Variants in ZBTB8OS observed in about 807,000 individuals in gnomAD.
ZBTB8OS encodes tRNA splicing ligase complex subunit 1.
A neutral mutation model predicts 29.3 loss-of-function variants in ZBTB8OS; 16 were observed. The observed-to-expected ratio is 0.55, with a 90% confidence interval of 0.37 to 0.83. ZBTB8OS has a LOEUF of 0.83. Ranked by LOEUF, ZBTB8OS falls within the 40% of genes least tolerant of loss-of-function variation. The pLI is 0.00. For missense variants in ZBTB8OS, 160 were observed against 196.9 expected (o/e 0.81, Z 1.12); for synonymous variants, 70 against 64.6 (o/e 1.08, Z -0.40).
chr1:32,650,849 A>T (rs943752434), upstream of ZBTB8OS: 4 of 498,184 alleles, frequency 8.0e-6, no homozygotes, highest in Non-Finnish European at 1.4e-5. Context: ...CCCAAAATTG[A>T]TAACTAGACC....
chr1:32,638,829 G>A (rs569348098), intron 1 of ZBTB8OS, among the ~76,000 whole-genome samples: 5 of 151,992 alleles, frequency 3.3e-5, no homozygotes, highest in Admixed American at 6.6e-5. Flanking sequence ...CATGAAAATC[G>A]CTTGAACCCA....
chr1:32,627,447 T>C (rs371219885), intron 6 of ZBTB8OS, 61 bp downstream of exon 6: 5 of 1,461,198 alleles, frequency 3.4e-6, no homozygotes, highest in African/African-American at 2.8e-5. Flanking sequence ...GATTGTCACA[T>C]ATATGAACTT....
rs2148325216 is a variant in ZBTB8OS at position 32,627,633 on chromosome 1, A to G, written c.381-89T>C. On this transcript the variant is annotated intron_variant, in intron 5 of 6. Coordinates refer to ENST00000468695, the MANE Select transcript of ZBTB8OS (RefSeq NM_178547.5). ...CTTGTAAATGTGGTTAACATGCTAG[A>G]AAGCCAAAAGAGACAGGAGGGGGTC... The G allele has an allele frequency of 2.3e-6, 3 of 1,281,796 alleles. No individual in the cohort carries two copies. In the Middle Eastern group the frequency reaches 6.0e-4, roughly 257 times the overall value. 79.4% of individuals were successfully genotyped at this position (1,281,796 alleles called of 1,614,324 possible).
At chr1:32,630,714 TA>T (rs1169535948) in intron 5 of ZBTB8OS, among the ~76,000 whole-genome samples, 2 of 151,672 alleles carry the variant, frequency 1.3e-5, no homozygotes, top group Non-Finnish European at 2.9e-5. Flanking sequence ...AACCCATTTC[TA>T]AAAAAATAAA....
chr1:32,621,766 CA>C lies in ZBTB8OS; in HGVS notation c.*95del, dbSNP rs897106996. ...TTCTGTTCTACAAATTTCCATATAT[CA>C]AAAAAAAGCTGTAGAATTTAATTCA... On this transcript the variant is annotated 3_prime_UTR_variant, in exon 7 of 7. Transcript: ENST00000468695. 2.1e-4 allele frequency: 186 copies of C among 874,126 alleles called. No individual in the cohort carries two copies. Among genetic ancestry groups the C allele is most frequent in the Admixed American group, 3.2e-4 (11 of 34,874 alleles). The allele number at this position is 874,126 out of a possible 1,614,324, so 54.1% of individuals were successfully genotyped here.
intron 1 of ZBTB8OS, chr1:32,639,916 A>G (rs1014433545): frequency 1.7e-4 from 26 of 152,196 alleles, no homozygotes; most frequent in Non-Finnish European, 3.5e-4. Context: ...AAAATACAGG[A>G]GCATTTTAAT....
In ZBTB8OS at chr1:32,629,329, T is replaced by C. The variant is rs554877680; in HGVS notation, c.381-1785A>G. Among the ~76,000 whole-genome samples, 15 of 151,770 alleles carry C rather than the reference T, an allele frequency of 9.9e-5. No individual in the cohort carries two copies. The East Asian group carries it at 2.7e-3, about 27-fold the overall frequency. On this transcript the variant is annotated intron_variant, in intron 5 of 6. Transcript: ENST00000468695. ...TAGGTGGGAGGTTGAGGTAGGAGGATTGCTTGAGCCCAAAAGGTCATGGCT... is the reference window on the plus strand; with the variant it reads ...TAGGTGGGAGGTTGAGGTAGGAGGACTGCTTGAGCCCAAAAGGTCATGGCT...
intron 1 of ZBTB8OS, 85 bp from the exon 2 acceptor site, chr1:32,634,877 T>G: frequency 1.1e-6 from 1 of 936,416 alleles, no homozygotes. Context: ...TCCATTATTA[T>G]TAGGAATATC....
intron 4 of ZBTB8OS, 162 bp downstream of exon 4, chr1:32,633,483 A>T (rs1380766585): frequency 1.8e-6 from 1 of 556,704 alleles, no homozygotes; most frequent in African/African-American, 2.0e-5. Flanking sequence ...AATGCAGGTT[A>T]ACCAGGAAGT....
At chr1:32,646,672 T>C (rs1437021374) in intron 1 of ZBTB8OS, among the ~76,000 whole-genome samples, 1 of 151,094 alleles carries the variant, frequency 6.6e-6, no homozygotes, top group Non-Finnish European at 1.5e-5. Context: ...AAAAAAAAAT[T>C]AGGAAAATTA....
intron 1 of ZBTB8OS, among the ~76,000 whole-genome samples, chr1:32,649,633 AACAC>A (rs962422171): frequency 2.2e-4 from 12 of 54,118 alleles, no homozygotes; most frequent in South Asian, 8.0e-4. Flanking sequence ...CATCTCTAAA[AACAC>A]ACACACACAC....
intron 1 of ZBTB8OS, among the ~76,000 whole-genome samples, chr1:32,638,500 T>C (rs1355082343): frequency 4.6e-5 from 7 of 152,134 alleles, no homozygotes; most frequent in Non-Finnish European, 1.5e-5. Flanking sequence ...CAGAATTCTT[T>C]ATTCTCCTAA....
chr1:32,643,812 CTT>C (rs58965191), intron 1 of ZBTB8OS, among the ~76,000 whole-genome samples: 1 of 148,604 alleles, frequency 6.7e-6, no homozygotes, highest in African/African-American at 2.5e-5. Context: ...ATTTTTTTTA[CTT>C]TTTTTTTTCT....
At position 32,631,766 on chromosome 1, in the gene ZBTB8OS, T is replaced by C. The variant is rs1645574599; in HGVS notation, c.380+61A>G. Reference sequence around the variant, plus strand: ...TTTATGTTTCCATCTGTTTCCTTGCTCATTGAATTCAATGAAGAATATAAC... The same window carrying C: ...TTTATGTTTCCATCTGTTTCCTTGCCCATTGAATTCAATGAAGAATATAAC... On this transcript the variant is annotated intron_variant, in intron 5 of 6. Transcript: ENST00000468695. 3 of 1,258,546 alleles carry C rather than the reference T, an allele frequency of 2.4e-6. No individual in the cohort carries two copies. In the South Asian group the frequency reaches 4.0e-5, roughly 17 times the overall value. The allele number at this position is 1,258,546 out of a possible 1,614,324, so 78.0% of individuals were successfully genotyped here.
In ZBTB8OS at chr1:32,634,779, T is replaced by C. The variant is rs1466228027; in HGVS notation, c.111A>G (p.Thr37=). ...CCCGCTATACTCACTGGACATCTGC[T>C]GTATGATCCAAATCTGAGGGACAGA... The part of the protein sequence containing the change: ...VNRKYEYLDH[T]ADVQLHAWGD... Residue 37 remains threonine (T), a synonymous_variant, in exon 2 of 7, where the codon ACA becomes ACG. Transcript: ENST00000468695. 3.7e-6 allele frequency: 6 copies of C among 1,613,368 alleles called. No homozygotes were observed. The highest frequency in any genetic ancestry group is 5.1e-6 in the Non-Finnish European group (6 of 1,179,434).
At chr1:32,644,425 T>C (rs1646674902) in intron 1 of ZBTB8OS, among the ~76,000 whole-genome samples, 1 of 151,576 alleles carries the variant, frequency 6.6e-6, no homozygotes, top group African/African-American at 2.4e-5. Context: ...AAAGGGAGAG[T>C]CTAAAAACAG....
At position 32,636,457 on chromosome 1, in the gene ZBTB8OS, G is replaced by A. The variant is rs188719589; in HGVS notation, c.98-1665C>T. ...TGTAATCCCAGCACTTCGGGAGGCC[G>A]AGGCAGGTGGATCACAAGGTCAGGA... On this transcript the variant is annotated intron_variant, in intron 1 of 6. Coordinates refer to ENST00000468695, the MANE Select transcript of ZBTB8OS (RefSeq NM_178547.5). Among the ~76,000 whole-genome samples, 346 of 152,248 alleles carry A rather than the reference G, an allele frequency of 2.3e-3. 2 individuals carry two copies. The highest frequency in any genetic ancestry group is 7.9e-3 in the African/African-American group (328 of 41,542).
chr1:32,626,017 C>T (rs747091424), intron 6 of ZBTB8OS, among the ~76,000 whole-genome samples: 9 of 151,908 alleles, frequency 5.9e-5, no homozygotes, highest in Admixed American at 2.0e-4. Context: ...GGATTACAAG[C>T]GCCCGCCACC....
In ZBTB8OS at chr1:32,633,905, A is replaced by G. The variant is rs369720945; in HGVS notation, c.244+46T>C. ...ATTATGTAGAATACTGCACAATTCT[A>G]TACAGTACTGTATAACAATTTCTTC... On this transcript the variant is annotated intron_variant, in intron 3 of 6. Coordinates refer to ENST00000468695, the MANE Select transcript of ZBTB8OS (RefSeq NM_178547.5). The G allele has an allele frequency of 4.2e-5, 64 of 1,535,544 alleles. 1 individual carries two copies. The highest frequency in any genetic ancestry group is 5.4e-5 in the Non-Finnish European group (62 of 1,149,642).
Sources: gnomAD v4.1 joint callset for allele counts (sites outside exome capture counted in the v4.1 genomes callset) on GRCh38, gnomAD v4.1.1 for gene constraint, MANE v1.5 for transcripts, NCBI Gene and HGNC (gene_info 2026-07-23, HGNC 2026-07-21) for gene names.